The following SYNE1 variants were observed in gnomAD, a reference collection of about 807,000 sequenced individuals.
The protein encoded by SYNE1 is nesprin-1.
SYNE1 carries 616 observed loss-of-function variants against 1,111.0 expected under a neutral mutation model. The observed-to-expected ratio is 0.55, with a 90% CI of 0.52 to 0.59. The LOEUF (loss-of-function observed/expected upper bound fraction) is 0.59, where lower values mean the gene tolerates loss of function less well. SYNE1 is among the 20% of genes least tolerant of loss of function. The probability of loss-of-function intolerance (pLI) is 0.00; values close to 1 mark genes in which losing one functional copy is unlikely to be tolerated. For missense variants in SYNE1, 10,006 were observed against 10,417.0 expected (o/e 0.96, Z 1.72); for synonymous variants, 3,855 against 3,825.8 (o/e 1.01, Z -0.28).
intron 3 of SYNE1, among the ~76,000 whole-genome samples, chr6:152,592,291 AT>A (rs2099569227): frequency 6.6e-6 from 1 of 152,190 alleles, no homozygotes; most frequent in Non-Finnish European, 1.5e-5. Context: ...ACCATTCACA[AT>A]AACAGAGACA....
chr6:152,232,395 G>A lies in SYNE1; in HGVS notation c.20713-130C>T, dbSNP rs538027602. On this transcript the variant is annotated intron_variant, in intron 112 of 145. Transcript: ENST00000367255. ...ATAACACTCCTTAATGACATTTGGA[G>A]ATCTTACCCTTTCTGAAAGCTTGAA... The A allele has an allele frequency of 2.4e-5, 24 of 994,082 alleles. No individual in the cohort carries two copies. In the East Asian group the frequency reaches 5.7e-4, roughly 24 times the overall value. The allele number at this position is 994,082 out of a possible 1,614,324, so 61.6% of individuals were successfully genotyped here.
At chr6:152,139,060 A>G (rs536214932) in intron 140 of SYNE1, among the ~76,000 whole-genome samples, 2 of 152,162 alleles carry the variant, frequency 1.3e-5, no homozygotes, top group Non-Finnish European at 1.5e-5. Context: ...TGCAGATACA[A>G]TTTTGGAGAG....
intron 4 of SYNE1, among the ~76,000 whole-genome samples, chr6:152,530,856 C>T (rs748450361): frequency 1.3e-3 from 201 of 152,168 alleles, no homozygotes; most frequent in Non-Finnish European, 2.4e-3. Context: ...ATCTCCTGAC[C>T]TCATGATCTG....
chr6:152,376,233 T>A (rs2097279201), intron 58 of SYNE1, 148 bp downstream of exon 58: 11 of 752,906 alleles, frequency 1.5e-5, no homozygotes, highest in Middle Eastern at 3.8e-4. Flanking sequence ...CTCATTGGCC[T>A]GCTGCTCACC....
chr6:152,622,881 C>A (rs2099678619), intron 3 of SYNE1, among the ~76,000 whole-genome samples: 1 of 152,128 alleles, frequency 6.6e-6, no homozygotes, highest in Non-Finnish European at 1.5e-5. Context: ...ACACTCCCAC[C>A]AACAGCATGT....
At chr6:152,561,090 A>G (rs2099393759) in intron 3 of SYNE1, among the ~76,000 whole-genome samples, 1 of 152,140 alleles carries the variant, frequency 6.6e-6, no homozygotes, top group African/African-American at 2.4e-5. Flanking sequence ...AAGCAAGCAA[A>G]AGCAATAAAA....
chr6:152,265,608 A>C (rs1445814281), intron 100 of SYNE1, among the ~76,000 whole-genome samples: 2 of 152,208 alleles, frequency 1.3e-5, no homozygotes. Flanking sequence ...AACCAGAGGA[A>C]TATTTAATAT....
chr6:152,291,081 T>C (rs557374468), intron 95 of SYNE1, among the ~76,000 whole-genome samples: 1 of 146,736 alleles, frequency 6.8e-6, no homozygotes, highest in African/African-American at 2.5e-5. Context: ...TATATTAATA[T>C]ATACAATTAT....
In SYNE1 at chr6:152,310,776, G is replaced by T. The variant is rs770128199; in HGVS notation, c.16808C>A (p.Ser5603Tyr). Residue 5603 changes from serine (S) to tyrosine (Y), a missense_variant, in exon 88 of 146, where the codon TCT becomes TAT. Transcript: ENST00000367255. Reference protein sequence around the residue: ...LTSVYCTEKMSQQVAELGRET... With the variant: ...LTSVYCTEKMYQQVAELGRET... Reference sequence around the variant, plus strand: ...CCGTCCCAGTTCTGCCACTTGCTGAGACATTTTTTCTGTACAGTACACGCT... The same window carrying T: ...CCGTCCCAGTTCTGCCACTTGCTGATACATTTTTTCTGTACAGTACACGCT... 6.2e-7 allele frequency: 1 copy of T among 1,613,898 alleles called. No homozygotes were observed. The highest frequency in any genetic ancestry group is 1.1e-5 in the South Asian group (1 of 91,070).
chr6:152,521,367 C>A (rs1197822488), intron 5 of SYNE1, among the ~76,000 whole-genome samples: 1 of 152,088 alleles, frequency 6.6e-6, no homozygotes, highest in Non-Finnish European at 1.5e-5. Flanking sequence ...TGGACATGTA[C>A]CTGAGAGTAG....
chr6:152,461,142 C>T (rs2098731766), intron 21 of SYNE1, among the ~76,000 whole-genome samples: 1 of 152,022 alleles, frequency 6.6e-6, no homozygotes, highest in African/African-American at 2.4e-5. Flanking sequence ...TAAGTGAGCT[C>T]CATGAGATGA....
chr6:152,249,590 T>C lies in SYNE1; in HGVS notation c.19471-328A>G, dbSNP rs75590728. Among the ~76,000 whole-genome samples, 3,054 of 152,318 alleles carry C rather than the reference T, an allele frequency of 0.02. 101 individuals are homozygous for C. The highest frequency in any genetic ancestry group is 0.07 in the African/African-American group (2,916 of 41,574). On this transcript the variant is annotated intron_variant, in intron 104 of 145. Coordinates refer to ENST00000367255, the MANE Select transcript of SYNE1 (RefSeq NM_182961.4). ...CAAACATTGCACAGAAATATTATAT[T>C]AGTGGCTCTTATCTAGGGAAATAAC...
chr6:152,148,055 A>C lies in SYNE1; in HGVS notation c.24966T>G (p.Val8322=). The part of the protein sequence containing the change: ...DDKDFYLRGA[V]GLSGDHSALE... The stretch of plus-strand genomic sequence containing the variant: ...GAGGCTCTTTCCTACCTGATAAGCC[A>C]ACAGCTCCCCGGAGGTAGAAATCTT... Residue 8322 remains valine, a synonymous_variant, in exon 137 of 146, where the codon GTT becomes GTG. Transcript: ENST00000367255. The surrounding 1 kb of genome is among the most constrained non-coding windows in gnomAD (Gnocchi z 4.1). 1 of 1,614,010 alleles carries C rather than the reference A, an allele frequency of 6.2e-7. No individual in the cohort carries two copies. The highest frequency in any genetic ancestry group is 1.1e-5 in the South Asian group (1 of 91,076).
intron 14 of SYNE1, among the ~76,000 whole-genome samples, chr6:152,482,678 C>T (rs1315103643): frequency 6.6e-6 from 1 of 152,124 alleles, no homozygotes; most frequent in Non-Finnish European, 1.5e-5. Flanking sequence ...CTTCTACCCC[C>T]ACCCCACAGC....
chr6:152,233,103 G>C (rs1193133919), intron 112 of SYNE1, among the ~76,000 whole-genome samples: 1 of 152,208 alleles, frequency 6.6e-6, no homozygotes, highest in African/African-American at 2.4e-5. Flanking sequence ...CTGAATGCCA[G>C]TTGCTCTCCT....
intron 104 of SYNE1, among the ~76,000 whole-genome samples, chr6:152,251,856 T>C (rs1253376593): frequency 1.3e-5 from 2 of 150,708 alleles, no homozygotes; most frequent in Non-Finnish European, 2.9e-5. Flanking sequence ...GGTATCCATA[T>C]ATTACAAACA....
rs1467022743 is a variant in SYNE1, at chr6:152,353,249, G to A, written c.11253+14C>T. 1 of 1,613,980 alleles carries A rather than the reference G, an allele frequency of 6.2e-7. No homozygotes were observed. Among genetic ancestry groups the A allele is most frequent in the Non-Finnish European group, 8.5e-7 (1 of 1,180,016 alleles). On this transcript the variant is annotated intron_variant, in intron 69 of 145. Transcript: ENST00000367255. ...CGGAAAGGTTGGATACAAATCTGAAGTATGCGTGCCTACCTCCAACGTCTT... is the reference window on the plus strand; with the variant it reads ...CGGAAAGGTTGGATACAAATCTGAAATATGCGTGCCTACCTCCAACGTCTT...
chr6:152,447,954 C>A (rs2154246156), intron 28 of SYNE1, among the ~76,000 whole-genome samples: 1 of 152,296 alleles, frequency 6.6e-6, no homozygotes, highest in South Asian at 2.1e-4. Flanking sequence ...AACATACATA[C>A]ACTTTGTTAT....
intron 138 of SYNE1, 35 bp downstream of exon 138, chr6:152,143,588 G>A (rs377415663): frequency 8.7e-6 from 14 of 1,613,752 alleles, no homozygotes; most frequent in East Asian, 4.5e-5. Flanking sequence ...CTGTGGTTTC[G>A]CACAGGTCGG....
Sources: allele counts gnomAD v4.1 joint callset (sites outside exome capture counted in the v4.1 genomes callset), GRCh38; gene constraint gnomAD v4.1.1; non-coding constraint Gnocchi (gnomAD v3.1); transcripts MANE v1.5; gene names NCBI Gene and HGNC (gene_info 2026-07-23, HGNC 2026-07-21).